The following SRRM4 variants were observed in gnomAD, a reference collection of about 807,000 sequenced individuals.
SRRM4 encodes the protein serine/arginine repetitive matrix 4.
A neutral mutation model predicts 68.9 loss-of-function variants in SRRM4; 33 were observed. The observed-to-expected ratio is 0.48, with a 90% CI of 0.36 to 0.64. The LOEUF (loss-of-function observed/expected upper bound fraction) is 0.64. Among genes scored for constraint, SRRM4 ranks in the 30% least tolerant of loss-of-function variants. The pLI is 0.00. For missense variants in SRRM4, 817 were observed against 827.1 expected (o/e 0.99, Z 0.15); for synonymous variants, 318 against 318.8 (o/e 1.00, Z 0.03).
chr12:119,095,230 T>C (rs1172393696), intron 1 of SRRM4, among the ~76,000 whole-genome samples: 1 of 152,204 alleles, frequency 6.6e-6, no homozygotes, highest in East Asian at 1.9e-4. Context: ...AAGGCACAAA[T>C]TGGCCAACTT....
intron 6 of SRRM4, among the ~76,000 whole-genome samples, chr12:119,122,795 T>A (rs1287332779): frequency 6.6e-6 from 1 of 152,120 alleles, no homozygotes; most frequent in South Asian, 2.1e-4. Context: ...GCATGGGTGG[T>A]CATGGGGGTG....
intron 1 of SRRM4, among the ~76,000 whole-genome samples, chr12:118,999,458 G>A (rs1268479540): frequency 6.6e-6 from 1 of 152,198 alleles, no homozygotes; most frequent in African/African-American, 2.4e-5. Flanking sequence ...TGTCCCACCT[G>A]TGTTAAGTTT....
chr12:119,071,265 G>A (rs116937332), intron 1 of SRRM4, among the ~76,000 whole-genome samples: 11 of 152,234 alleles, frequency 7.2e-5, no homozygotes, highest in Non-Finnish European at 1.5e-4. Flanking sequence ...AATAAAAAAC[G>A]GGAGGCAGGA....
chr12:119,130,986 G>T (rs1309220329), intron 8 of SRRM4, among the ~76,000 whole-genome samples, 152 bp downstream of exon 8: 1 of 152,194 alleles, frequency 6.6e-6, no homozygotes, highest in Non-Finnish European at 1.5e-5. Context: ...TGAACCAAAT[G>T]ATCATTCACC....
chr12:119,098,023 G>A (rs534825307), intron 1 of SRRM4, among the ~76,000 whole-genome samples: 5 of 152,326 alleles, frequency 3.3e-5, no homozygotes, highest in African/African-American at 9.6e-5. Context: ...CCTTGACATA[G>A]TAATAATGTG....
chr12:119,110,834 G>A (rs914725143), intron 2 of SRRM4, among the ~76,000 whole-genome samples: 29 of 152,162 alleles, frequency 1.9e-4, no homozygotes, highest in Admixed American at 7.9e-4. Flanking sequence ...CCCACTGTCC[G>A]ACAAGCCCCC....
At chr12:119,136,835 G>T (rs1316592360) in intron 8 of SRRM4, among the ~76,000 whole-genome samples, 1 of 152,038 alleles carries the variant, frequency 6.6e-6, no homozygotes, top group Non-Finnish European at 1.5e-5. Flanking sequence ...TCCTGCTTAA[G>T]GAAAATAATA....
At chr12:119,000,899 C>A (rs1953379699) in intron 1 of SRRM4, 1 of 152,146 alleles carries the variant, frequency 6.6e-6, no homozygotes, top group South Asian at 2.1e-4. Flanking sequence ...CAGACCAGCA[C>A]CATTTTTCTG....
intron 1 of SRRM4, among the ~76,000 whole-genome samples, chr12:119,054,013 G>C (rs373792453): frequency 9.9e-5 from 15 of 151,918 alleles, no homozygotes; most frequent in Non-Finnish European, 1.9e-4. Context: ...TAAACCATCC[G>C]CACCTCCCCG....
Position 119,120,686 on chromosome 12 carries a change from G to C in SRRM4, c.464+410G>C, listed in dbSNP as rs1403188056. ...GAACACAAATAGTTATTACTTACAG[G>C]GTCCTGACTCCAAACTGGATCCTGA... is the stretch of plus-strand genomic sequence containing the variant. On this transcript the variant is annotated intron_variant, in intron 5 of 12. Transcript: ENST00000267260. 2.0e-5 allele frequency among the ~76,000 whole-genome samples: 3 copies of C among 152,242 alleles called. No homozygotes were observed. The East Asian group carries it at 5.8e-4, about 29-fold the overall frequency.
At chr12:119,120,121 T>G in intron 4 of SRRM4, 129 bp from the exon 5 acceptor site, 1 of 456,022 alleles carries the variant, frequency 2.2e-6, no homozygotes, top group East Asian at 5.0e-5. Context: ...TCCTTCACCA[T>G]CCCTCCCTTT....
chr12:119,143,746 A>G (rs898281093), intron 8 of SRRM4, among the ~76,000 whole-genome samples: 8 of 152,208 alleles, frequency 5.3e-5, no homozygotes, highest in African/African-American at 1.9e-4. Flanking sequence ...GGATCCATGG[A>G]TGAGGTCTAC....
At chr12:119,137,427 T>C (rs1367279727) in intron 8 of SRRM4, among the ~76,000 whole-genome samples, 1 of 152,148 alleles carries the variant, frequency 6.6e-6, no homozygotes, top group East Asian at 1.9e-4. Flanking sequence ...ACAAAAACAA[T>C]AAATAACAGT....
At chr12:119,091,855 C>G (rs913689540) in intron 1 of SRRM4, among the ~76,000 whole-genome samples, 1 of 152,122 alleles carries the variant, frequency 6.6e-6, no homozygotes, top group African/African-American at 2.4e-5. Context: ...CCACTTCCAC[C>G]CCATACCCCT....
intron 8 of SRRM4, among the ~76,000 whole-genome samples, chr12:119,139,830 A>G (rs1391925672): frequency 2.6e-5 from 4 of 152,076 alleles, no homozygotes; most frequent in Non-Finnish European, 5.9e-5. Flanking sequence ...TTCTGGCCAG[A>G]AAGGGCACCT....
chr12:118,987,986 A>G (rs1953293042), intron 1 of SRRM4, among the ~76,000 whole-genome samples: 1 of 152,232 alleles, frequency 6.6e-6, no homozygotes, highest in South Asian at 2.1e-4. Context: ...AGATCAGTGT[A>G]ATTAACATAT....
In SRRM4 at chr12:119,130,774, G is replaced by A. The variant is rs1286610718; in HGVS notation, c.711G>A (p.Gln237=). The A allele has an allele frequency of 2.5e-6, 4 of 1,609,848 alleles. No homozygotes were observed. Among genetic ancestry groups the A allele is most frequent in the Non-Finnish European group, 3.4e-6 (4 of 1,179,812 alleles). The stretch of plus-strand genomic sequence containing the variant: ...TCTGCAAGGACAGCCCTGAGGCCCA[G>A]TCCAGTCGCCCGCCCAGTCAACCCC... ...KTLCKDSPEA[Q]SSRPPSQPLQ... The change falls in exon 8 of 13, where the codon CAG becomes CAA. Residue 237 remains glutamine (Q), a synonymous_variant. Transcript: ENST00000267260.
intron 1 of SRRM4, among the ~76,000 whole-genome samples, chr12:119,061,452 C>T (rs1953811900): frequency 1.3e-5 from 2 of 152,158 alleles, no homozygotes; most frequent in African/African-American, 4.8e-5. Flanking sequence ...GCAGTGAATC[C>T]AACCATGAAA....
chr12:119,118,712 G>A (rs1030396947), intron 4 of SRRM4, among the ~76,000 whole-genome samples: 1 of 152,194 alleles, frequency 6.6e-6, no homozygotes, highest in Non-Finnish European at 1.5e-5. Context: ...CCCAATTTGG[G>A]GGTTCGCTGG....
Sources: allele counts gnomAD v4.1 joint callset (sites outside exome capture counted in the v4.1 genomes callset), GRCh38; gene constraint gnomAD v4.1.1; transcripts MANE v1.5; gene names NCBI Gene and HGNC (gene_info 2026-07-23, HGNC 2026-07-21).